UTRN: variants seen among roughly 807,000 people sequenced by gnomAD.
The protein encoded by UTRN is dystrophin-related protein 1.
A neutral mutation model predicts 463.9 loss-of-function variants in UTRN; 283 were observed. The ratio of observed to expected loss-of-function variants is 0.61; its 90% confidence interval spans 0.55 to 0.67. The LOEUF is 0.67. Ranked by LOEUF, UTRN falls within the 30% of genes least tolerant of loss-of-function variation. The pLI, the probability that UTRN is intolerant of heterozygous loss-of-function variation, is 0.00. For missense variants in UTRN, 3,922 were observed against 4,084.3 expected (o/e 0.96, Z 1.08); for synonymous variants, 1,442 against 1,431.5 (o/e 1.01, Z -0.17).
chr6:144,451,526 A>G (rs1477007046), intron 18 of UTRN, 33 bp downstream of exon 18: 2 of 1,576,474 alleles, frequency 1.3e-6, no homozygotes, highest in Admixed American at 3.7e-5. Flanking sequence ...ATCCTAGTGC[A>G]TAAAATAGTT....
In UTRN at chr6:144,851,462, A is replaced by G. The variant is rs929482404; in HGVS notation, c.*465A>G. ...TCATTTTTTCTTTGACTCTTTTACC[A>G]CAATGTTTTGGTTATTTATAATTTA... On this transcript the variant is annotated 3_prime_UTR_variant, in exon 75 of 75. Transcript: ENST00000367545. The G allele has an allele frequency of 1.9e-5, 3 of 157,110 alleles. No homozygotes were observed. Among genetic ancestry groups the G allele is most frequent in the African/African-American group, 7.2e-5 (3 of 41,512 alleles). The allele number at this position is 157,110 out of a possible 1,614,324, so 9.7% of individuals were successfully genotyped here.
chr6:144,493,586 G>A, intron 33 of UTRN, 130 bp downstream of exon 33: 2 of 973,916 alleles, frequency 2.1e-6, no homozygotes, highest in Non-Finnish European at 1.5e-6. Context: ...TGAAAATTAT[G>A]AGATTCATAC....
At chr6:144,724,760 G>A (rs1240173568) in intron 53 of UTRN, among the ~76,000 whole-genome samples, 1 of 152,080 alleles carries the variant, frequency 6.6e-6, no homozygotes, top group African/African-American at 2.4e-5. Flanking sequence ...GCACATATCA[G>A]TATTTCATTC....
chr6:144,816,309 C>T (rs1305192043), intron 65 of UTRN, among the ~76,000 whole-genome samples: 1 of 151,920 alleles, frequency 6.6e-6, no homozygotes, highest in Non-Finnish European at 1.5e-5. Flanking sequence ...TAAGGATAGA[C>T]ATTGGAGTGA....
chr6:144,555,674 G>C (rs908372741), intron 49 of UTRN, among the ~76,000 whole-genome samples: 2 of 152,144 alleles, frequency 1.3e-5, no homozygotes, highest in African/African-American at 4.8e-5. Flanking sequence ...CAAGTAATCT[G>C]CTCACTTTGG....
At chr6:144,410,472 G>A (rs1377963046) in intron 3 of UTRN, among the ~76,000 whole-genome samples, 1 of 152,034 alleles carries the variant, frequency 6.6e-6, no homozygotes, top group African/African-American at 2.4e-5. Flanking sequence ...GGTTACATGA[G>A]TAAGTTCTTT....
In UTRN at chr6:144,601,534, G is replaced by T. The variant is rs146686254; in HGVS notation, c.7479+24246G>T. Among the ~76,000 whole-genome samples, 548 of 152,284 alleles carry T rather than the reference G, an allele frequency of 3.6e-3. 1 individual carries two copies. The highest frequency in any genetic ancestry group is 0.013 in the African/African-American group (531 of 41,568). Reference sequence around the variant, plus strand: ...AGCCTGAGGATGGGAATGAATTGCTGCAATCTCGTGGTAAAACTTGAATTG... The same window carrying T: ...AGCCTGAGGATGGGAATGAATTGCTTCAATCTCGTGGTAAAACTTGAATTG... On this transcript the variant is annotated intron_variant, in intron 51 of 74. Transcript: ENST00000367545.
At chr6:144,605,257 C>T (rs1804717920) in intron 51 of UTRN, among the ~76,000 whole-genome samples, 1 of 151,986 alleles carries the variant, frequency 6.6e-6, no homozygotes. Flanking sequence ...AAATTTTTAA[C>T]AAAATTAAAT....
At chr6:144,451,559 G>A (rs898172299) in intron 18 of UTRN, 66 bp downstream of exon 18, 1 of 1,506,450 alleles carries the variant, frequency 6.6e-7, no homozygotes, top group South Asian at 1.4e-5. Flanking sequence ...TTTTCTGCTG[G>A]CATAAAGACA....
At chr6:144,724,026 A>G (rs865877711) in intron 53 of UTRN, among the ~76,000 whole-genome samples, 167 of 150,136 alleles carry the variant, frequency 1.1e-3, no homozygotes, top group African/African-American at 1.6e-3. Context: ...AAAAAAAAAA[A>G]AAAGAAAGAA....
At chr6:144,323,179 A>G (rs1188818692) in intron 2 of UTRN, among the ~76,000 whole-genome samples, 1 of 152,224 alleles carries the variant, frequency 6.6e-6, no homozygotes, top group African/African-American at 2.4e-5. Context: ...TTAAGTAACA[A>G]AGATGTTTGC....
intron 51 of UTRN, among the ~76,000 whole-genome samples, chr6:144,590,151 A>G (rs142749818): frequency 1.3e-5 from 2 of 152,232 alleles, no homozygotes; most frequent in African/African-American, 4.8e-5. Context: ...GCAGGTGGCT[A>G]TGTACTTGTT....
intron 2 of UTRN, among the ~76,000 whole-genome samples, chr6:144,342,827 A>C (rs1476069765): frequency 3.9e-5 from 6 of 152,238 alleles, no homozygotes; most frequent in African/African-American, 1.4e-4. Flanking sequence ...ATTATATATC[A>C]ATAAAGTTTG....
chr6:144,738,441 G>C (rs531589785), intron 54 of UTRN, among the ~76,000 whole-genome samples: 1 of 152,242 alleles, frequency 6.6e-6, no homozygotes, highest in African/African-American at 2.4e-5. Flanking sequence ...CTTCAGTTCA[G>C]TTTAAAAGTC....
chr6:144,712,187 G>A (rs1470045457), intron 53 of UTRN, among the ~76,000 whole-genome samples: 2 of 152,072 alleles, frequency 1.3e-5, no homozygotes, highest in Non-Finnish European at 2.9e-5. Context: ...CTTATTAAAC[G>A]CTCAGCTCTT....
intron 51 of UTRN, among the ~76,000 whole-genome samples, chr6:144,614,138 G>A (rs183548421): frequency 1.1e-3 from 169 of 152,180 alleles, no homozygotes; most frequent in Non-Finnish European, 1.9e-3. Context: ...ATGGTTGCAG[G>A]TGTAGCCTGA....
chr6:144,848,547 A>G (rs1317081138), intron 74 of UTRN, among the ~76,000 whole-genome samples: 1 of 152,170 alleles, frequency 6.6e-6, no homozygotes, highest in Non-Finnish European at 1.5e-5. Flanking sequence ...TTGTCAAAGG[A>G]TGGATAAATT....
At chr6:144,789,444 G>A (rs1053430001) in intron 62 of UTRN, among the ~76,000 whole-genome samples, 165 bp downstream of exon 62, 2 of 152,192 alleles carry the variant, frequency 1.3e-5, no homozygotes, top group Non-Finnish European at 2.9e-5. Flanking sequence ...GCAGTGCAAA[G>A]ACTTGGGGCT....
At chr6:144,725,148 T>C (rs1332291182) in intron 53 of UTRN, among the ~76,000 whole-genome samples, 3 of 152,208 alleles carry the variant, frequency 2.0e-5, no homozygotes, top group Non-Finnish European at 4.4e-5. Flanking sequence ...GTTTTTCCCA[T>C]GCTGTTTTTG....
Sources: allele counts gnomAD v4.1 joint callset (sites outside exome capture counted in the v4.1 genomes callset), GRCh38; gene constraint gnomAD v4.1.1; transcripts MANE v1.5; gene names NCBI Gene and HGNC (gene_info 2026-07-23, HGNC 2026-07-21).